Variants in ENTPD3 observed in about 807,000 individuals in gnomAD.
ENTPD3 encodes ectonucleoside triphosphate diphosphohydrolase 3, also known as CD39 antigen-like 3.
ENTPD3 carries 60 observed loss-of-function variants against 51.2 expected under a neutral mutation model. The ratio of observed to expected loss-of-function variants is 1.17; its 90% confidence interval spans 0.95 to 1.45. The LOEUF (loss-of-function observed/expected upper bound fraction) is 1.45, where lower values mean the gene tolerates loss of function less well. Ranked by LOEUF, ENTPD3 falls within the 40% of genes most tolerant of loss-of-function variation. The pLI, the probability that ENTPD3 is intolerant of heterozygous loss-of-function variation, is 0.00. For synonymous variants in ENTPD3, 221 were observed against 238.4 expected (o/e 0.93, Z 0.67); for missense variants, 593 against 641.1 (o/e 0.93, Z 0.81).
chr3:40,421,306 G>A (rs2125610066), intron 7 of ENTPD3, among the ~76,000 whole-genome samples: 1 of 152,230 alleles, frequency 6.6e-6, no homozygotes, highest in Non-Finnish European at 1.5e-5. Context: ...TTACAGATGT[G>A]AGCCATCACA....
intron 5 of ENTPD3, among the ~76,000 whole-genome samples, chr3:40,412,675 T>C (rs1955662339): frequency 3.3e-5 from 5 of 152,382 alleles, no homozygotes; most frequent in Middle Eastern, 3.4e-3. Context: ...ACACTCATTC[T>C]GCTTCAGAGC....
At chr3:40,425,353 T>G (rs1287703081) in intron 10 of ENTPD3, among the ~76,000 whole-genome samples, 3 of 151,882 alleles carry the variant, frequency 2.0e-5, no homozygotes, top group Non-Finnish European at 4.4e-5. Context: ...GAGGTGAAGG[T>G]TGCCGTGAGC....
Position 40,400,915 on chromosome 3 carries a change from G to A in ENTPD3, c.190G>A (p.Gly64Arg), listed in dbSNP as rs766285710. The change falls in exon 4 of 11, where the codon GGG becomes AGG. Residue 64 changes from glycine (G) to arginine (R), a missense_variant. Transcript: ENST00000301825. ...GLKYGIVLDA[G>R]SSRTTVYVYQ... Reference sequence around the variant, plus strand: ...TCAGTATGGTATTGTGCTGGATGCCGGGTCTTCAAGAACCACAGTCTACGT... The same window carrying A: ...TCAGTATGGTATTGTGCTGGATGCCAGGTCTTCAAGAACCACAGTCTACGT... The A allele has an allele frequency of 1.9e-5, 30 of 1,613,586 alleles. No individual in the cohort carries two copies. The highest frequency in any genetic ancestry group is 1.7e-4 in the Middle Eastern group (1 of 6,056).
intron 4 of ENTPD3, among the ~76,000 whole-genome samples, chr3:40,411,235 G>A (rs1292943810): frequency 6.6e-6 from 1 of 150,668 alleles, no homozygotes; most frequent in Non-Finnish European, 1.5e-5. Flanking sequence ...AGGTTGTAGT[G>A]AGCCGAGATC....
At chr3:40,416,967 GT>G (rs150672702) in intron 7 of ENTPD3, among the ~76,000 whole-genome samples, 6,997 of 152,216 alleles carry the variant, frequency 0.046, 499 homozygotes, top group African/African-American at 0.16. Context: ...CTGCAGAGGA[GT>G]TGAAGGGATC....
intron 7 of ENTPD3, among the ~76,000 whole-genome samples, chr3:40,420,391 A>G (rs1955840996): frequency 6.6e-6 from 1 of 151,800 alleles, no homozygotes; most frequent in Non-Finnish European, 1.5e-5. Context: ...GCCCGCCACC[A>G]TGCCCAGCTA....
rs373321245 is a variant in ENTPD3, at chr3:40,427,473, G to T, written c.1555G>T (p.Glu519Ter). ...CSATRRKRHS[E>*]HAFDHAVDSD ...AGCAACCAGAAGAAAGAGGCACTCC[G>T]AGCATGCCTTTGACCATGCAGTGGA... The change falls in exon 11 of 11, where the codon GAG becomes TAG. Residue 519 changes from glutamate to a stop codon, truncating the protein, a stop_gained. Coordinates refer to ENST00000301825, the MANE Select transcript of ENTPD3 (RefSeq NM_001248.4). LOFTEE classifies it high-confidence loss of function. 1.7e-5 allele frequency: 28 copies of T among 1,614,080 alleles called. No homozygotes were observed. The East Asian group carries it at 5.3e-4, about 31-fold the overall frequency.
chr3:40,414,735 C>A lies in ENTPD3; in HGVS notation c.492C>A (p.Phe164Leu), dbSNP rs372974975. ...NEVLESIQSY[F>L]KSQPFDFRGA... ...TCCTTGAAAGCATCCAAAGCTACTTCAAGTCCCAGCCCTTTGACTTTAGGG... is the reference window on the plus strand; with the variant it reads ...TCCTTGAAAGCATCCAAAGCTACTTAAAGTCCCAGCCCTTTGACTTTAGGG... Residue 164 changes from phenylalanine to leucine, a missense_variant, in exon 6 of 11, where the codon TTC becomes TTA. By Grantham distance (22) the Phe-to-Leu change is conservative. Coordinates refer to ENST00000301825, the MANE Select transcript of ENTPD3 (RefSeq NM_001248.4). 1.2e-5 allele frequency: 19 copies of A among 1,614,016 alleles called. No homozygotes were observed. Among genetic ancestry groups the A allele is most frequent in the Non-Finnish European group, 4.2e-6 (5 of 1,180,000 alleles).
Position 40,392,798 on chromosome 3 carries a change from A to G in ENTPD3, c.168+648A>G, listed in dbSNP as rs1024619731. Among the ~76,000 whole-genome samples the G allele has an allele frequency of 2.0e-5, 3 of 152,062 alleles. No individual in the cohort carries two copies. In the East Asian group the frequency reaches 5.8e-4, roughly 29 times the overall value. On this transcript the variant is annotated intron_variant, in intron 3 of 10. Transcript: ENST00000301825. ...TAGAGAGACTCCATCTCTACCAAAAAGAAATTTTTCCAAAAAAAGGAAAAA... is the reference window on the plus strand; with the variant it reads ...TAGAGAGACTCCATCTCTACCAAAAGGAAATTTTTCCAAAAAAAGGAAAAA...
intron 3 of ENTPD3, among the ~76,000 whole-genome samples, chr3:40,399,937 A>G (rs1340078824): frequency 2.0e-5 from 3 of 152,106 alleles, no homozygotes; most frequent in Non-Finnish European, 4.4e-5. Context: ...CTCCTTAATT[A>G]TGAATACTTT....
intron 2 of ENTPD3, among the ~76,000 whole-genome samples, chr3:40,389,773 T>G (rs1215948100): frequency 6.6e-6 from 1 of 152,218 alleles, no homozygotes; most frequent in African/African-American, 2.4e-5. Flanking sequence ...GTGATGTGAC[T>G]GAATTTGGGG....
At chr3:40,422,016 T>C (rs1461177756) in intron 7 of ENTPD3, among the ~76,000 whole-genome samples, 1 of 152,184 alleles carries the variant, frequency 6.6e-6, no homozygotes, top group Non-Finnish European at 1.5e-5. Context: ...TGATACATTA[T>C]ATATATCCAT....
In ENTPD3 at chr3:40,427,299, C is replaced by A; in HGVS notation, c.1381C>A (p.Leu461Ile). 1 of 1,614,162 alleles carries A rather than the reference C, an allele frequency of 6.2e-7. No individual in the cohort carries two copies. The highest frequency in any genetic ancestry group is 8.5e-7 in the Non-Finnish European group (1 of 1,180,016). Residue 461 changes from leucine to isoleucine, a missense_variant, in exon 11 of 11, where the codon CTT becomes ATT. Transcript: ENST00000301825. Reference sequence around the variant, plus strand: ...GGGGAATAGCAGCATAGCCTGGTCTCTTGGCTACATGCTCAGCCTGACCAA... The same window carrying A: ...GGGGAATAGCAGCATAGCCTGGTCTATTGGCTACATGCTCAGCCTGACCAA... ...EVGNSSIAWS[L>I]GYMLSLTNQI...
At chr3:40,414,005 G>A (rs1370877903) in intron 5 of ENTPD3, among the ~76,000 whole-genome samples, 1 of 152,192 alleles carries the variant, frequency 6.6e-6, no homozygotes, top group Non-Finnish European at 1.5e-5. Context: ...ACCCATGGAT[G>A]AAAGATGAAA....
At chr3:40,396,500 G>A (rs1450365703) in intron 3 of ENTPD3, among the ~76,000 whole-genome samples, 1 of 152,108 alleles carries the variant, frequency 6.6e-6, no homozygotes, top group East Asian at 1.9e-4. Context: ...ATGCAAGGTC[G>A]TATCTGGCTA....
Position 40,427,680 on chromosome 3 carries a change from T to G in ENTPD3, c.*172T>G, listed in dbSNP as rs1416075482. On this transcript the variant is annotated 3_prime_UTR_variant, in exon 11 of 11. Coordinates refer to ENST00000301825, the MANE Select transcript of ENTPD3 (RefSeq NM_001248.4). ...GCCACAGCACCTCTTGAGGCATCCC[T>G]TGGCTATTCTGTGCATATTGTTCTT... 2 of 611,430 alleles carry G rather than the reference T, an allele frequency of 3.3e-6. No homozygotes were observed. The highest frequency in any genetic ancestry group is 3.7e-5 in the African/African-American group (2 of 54,006). The allele number at this position is 611,430 out of a possible 1,614,324, so 37.9% of individuals were successfully genotyped here.
chr3:40,388,622 A>T (rs914787263), intron 2 of ENTPD3, among the ~76,000 whole-genome samples: 54 of 143,316 alleles, frequency 3.8e-4, no homozygotes, highest in African/African-American at 1.3e-3. Context: ...ACACACACAC[A>T]CACTTCTAAG....
intron 1 of ENTPD3, 171 bp from the exon 2 acceptor site, chr3:40,387,875 G>T (rs1954973456): frequency 1.8e-6 from 1 of 567,432 alleles, no homozygotes; most frequent in Non-Finnish European, 3.2e-6. Flanking sequence ...TGAAATTTAA[G>T]CTCCAGCTTT....
At chr3:40,391,956 C>T in intron 2 of ENTPD3, 67 bp from the exon 3 acceptor site, 1 of 1,587,276 alleles carries the variant, frequency 6.3e-7, no homozygotes, top group Non-Finnish European at 8.6e-7. Context: ...TCCATCAATT[C>T]TACAAAGAAT....
Sources: allele counts gnomAD v4.1 joint callset (sites outside exome capture counted in the v4.1 genomes callset), GRCh38; gene constraint gnomAD v4.1.1; transcripts MANE v1.5; gene names NCBI Gene and HGNC (gene_info 2026-07-23, HGNC 2026-07-21).